The following PTGFR variants were observed in gnomAD, a reference collection of about 807,000 sequenced individuals.
PTGFR encodes prostaglandin F2-alpha receptor.
PTGFR carries 15 observed loss-of-function variants against 26.2 expected under a neutral mutation model. The ratio of observed to expected loss-of-function variants is 0.57; its 90% CI spans 0.38 to 0.88. PTGFR has a LOEUF of 0.88. Ranked by LOEUF, PTGFR falls within the 40% of genes least tolerant of loss-of-function variation. The pLI is 0.00. For missense variants in PTGFR, 369 were observed against 427.2 expected (o/e 0.86, Z 1.20); for synonymous variants, 165 against 151.1 (o/e 1.09, Z -0.68).
chr1:78,497,936 C>T (rs1488611371), intron 2 of PTGFR: 1 of 1,586,112 alleles, frequency 6.3e-7, no homozygotes, highest in East Asian at 2.2e-5. Context: ...AAAGTGATTT[C>T]TTACATAGGT....
chr1:78,529,675 C>T (rs1650457615), intron 2 of PTGFR, among the ~76,000 whole-genome samples: 1 of 152,000 alleles, frequency 6.6e-6, no homozygotes, highest in South Asian at 2.1e-4. Context: ...TGGGTGAATA[C>T]AAAAGTTTGG....
intron 2 of PTGFR, among the ~76,000 whole-genome samples, chr1:78,518,611 CACACACACAT>C (rs1397056075): frequency 2.2e-4 from 26 of 117,476 alleles, no homozygotes; most frequent in African/African-American, 3.3e-4. Flanking sequence ...CACACACACA[CACACACACAT>C]ACGCATTTAT....
intron 2 of PTGFR, among the ~76,000 whole-genome samples, chr1:78,510,398 G>A (rs1175587188): frequency 2.0e-5 from 3 of 152,144 alleles, no homozygotes; most frequent in Non-Finnish European, 4.4e-5. Context: ...GTGGGAACAG[G>A]CACATCATAT....
chr1:78,499,983 A>G (rs539402665), intron 2 of PTGFR, among the ~76,000 whole-genome samples: 7 of 152,242 alleles, frequency 4.6e-5, no homozygotes, highest in Non-Finnish European at 1.0e-4. Context: ...AATATTAGGT[A>G]ACAGAAATTT....
At chr1:78,508,838 T>C (rs959506297) in intron 2 of PTGFR, among the ~76,000 whole-genome samples, 3 of 152,220 alleles carry the variant, frequency 2.0e-5, no homozygotes, top group African/African-American at 7.2e-5. Context: ...TAATCTAGTA[T>C]ATAATTTTTG....
intron 2 of PTGFR, chr1:78,532,378 A>ATG (rs1557659436): frequency 7.4e-6 from 1 of 134,734 alleles, no homozygotes; most frequent in Non-Finnish European, 1.5e-5. Context: ...ATATATATAT[A>ATG]TATATATATA....
intron 2 of PTGFR, among the ~76,000 whole-genome samples, chr1:78,525,652 T>C (rs1650353224): frequency 6.6e-6 from 1 of 152,076 alleles, no homozygotes; most frequent in African/African-American, 2.4e-5. Flanking sequence ...GTCAGGCTGA[T>C]ATCATGTGGT....
At chr1:78,502,979 G>T (rs1481563566) in intron 2 of PTGFR, among the ~76,000 whole-genome samples, 1 of 152,036 alleles carries the variant, frequency 6.6e-6, no homozygotes, top group Admixed American at 6.6e-5. Flanking sequence ...TTATGAAAAG[G>T]AAAAAATTTC....
intron 2 of PTGFR, among the ~76,000 whole-genome samples, chr1:78,516,054 C>T (rs546418049): frequency 2.0e-5 from 3 of 152,136 alleles, no homozygotes; most frequent in South Asian, 2.1e-4. Context: ...TTGTGATAAT[C>T]GTTTTAAATT....
chr1:78,503,239 A>G (rs1420160086), intron 2 of PTGFR, among the ~76,000 whole-genome samples: 2 of 152,120 alleles, frequency 1.3e-5, no homozygotes, highest in Non-Finnish European at 2.9e-5. Context: ...AAATTGTCAG[A>G]TAATAAAAAT....
At chr1:78,526,475 A>G (rs1650375781) in intron 2 of PTGFR, among the ~76,000 whole-genome samples, 1 of 152,084 alleles carries the variant, frequency 6.6e-6, no homozygotes, top group Non-Finnish European at 1.5e-5. Context: ...CAGTTTTAAC[A>G]CCATAGCCAC....
intron 2 of PTGFR, among the ~76,000 whole-genome samples, chr1:78,505,790 A>G (rs564156082): frequency 5.5e-4 from 83 of 152,234 alleles, no homozygotes; most frequent in African/African-American, 1.9e-3. Context: ...ACAATATGTC[A>G]CCTTTTGTGT....
chr1:78,498,677 A>T (rs1557648022), intron 2 of PTGFR, among the ~76,000 whole-genome samples: 2 of 152,186 alleles, frequency 1.3e-5, no homozygotes, highest in African/African-American at 4.8e-5. Context: ...AAACCTGTAC[A>T]TGTATCCCCT....
chr1:78,500,772 T>C (rs1007187627), intron 2 of PTGFR, among the ~76,000 whole-genome samples: 1 of 152,236 alleles, frequency 6.6e-6, no homozygotes, highest in African/African-American at 2.4e-5. Context: ...TACAGTGTTA[T>C]TTGATAAATA....
intron 2 of PTGFR, among the ~76,000 whole-genome samples, chr1:78,524,498 C>T (rs75349712): frequency 0.023 from 3,424 of 152,126 alleles, 59 homozygotes; most frequent in Middle Eastern, 0.054. Context: ...TTTAAAAAGA[C>T]ATTAAGTTCT....
At chr1:78,535,929 G>C (rs943212804) in intron 2 of PTGFR, among the ~76,000 whole-genome samples, 2 of 152,146 alleles carry the variant, frequency 1.3e-5, no homozygotes, top group African/African-American at 4.8e-5. Flanking sequence ...TATCCTTGTA[G>C]TTAAGAAGCA....
intron 2 of PTGFR, among the ~76,000 whole-genome samples, chr1:78,507,319 A>G (rs1048817602): frequency 6.6e-6 from 1 of 152,168 alleles, no homozygotes; most frequent in African/African-American, 2.4e-5. Context: ...GCTTTTGGCT[A>G]TTCTCCAGTG....
intron 2 of PTGFR, among the ~76,000 whole-genome samples, chr1:78,500,689 T>TAG (rs1649682140): frequency 6.6e-6 from 1 of 152,234 alleles, no homozygotes; most frequent in Non-Finnish European, 1.5e-5. Context: ...CTCCAGAGCC[T>TAG]ACCTTAGGAC....
intron 2 of PTGFR, among the ~76,000 whole-genome samples, chr1:78,502,612 A>C (rs987876280): frequency 2.0e-5 from 3 of 152,144 alleles, no homozygotes; most frequent in Admixed American, 2.0e-4. Context: ...AATGTTGCCC[A>C]CTAATCATTT....
Sources: allele counts gnomAD v4.1 joint callset (sites outside exome capture counted in the v4.1 genomes callset), GRCh38; gene constraint gnomAD v4.1.1; transcripts MANE v1.5; gene names NCBI Gene and HGNC (gene_info 2026-07-23, HGNC 2026-07-21).